Variants in OR51D1 observed in about 807,000 individuals in gnomAD.
OR51D1 encodes the protein olfactory receptor family 51 subfamily D member 1.
For missense variants in OR51D1, 452 were observed against 396.2 expected (o/e 1.14, Z -1.20); for synonymous variants, 187 against 161.1 (o/e 1.16, Z -1.22).
At chr11:4,639,587 A>C in intron 1 of OR51D1, 190 bp from the exon 2 acceptor site, 1 of 600,394 alleles carries the variant, frequency 1.7e-6, no homozygotes. Context: ...GGTCAGGGTA[A>C]GGCTCAAGAT....
intron 1 of OR51D1, among the ~76,000 whole-genome samples, chr11:4,638,479 T>C (rs1589857910): frequency 2.1e-5 from 2 of 94,736 alleles, no homozygotes; most frequent in Non-Finnish European, 2.4e-5. Context: ...GGGAGAGGTG[T>C]GTGTGCCTGT....
chr11:4,640,957 G>T lies in OR51D1; in HGVS notation c.*192G>T. 1 of 567,276 alleles carries T rather than the reference G, an allele frequency of 1.8e-6. No individual in the cohort carries two copies. Among genetic ancestry groups the T allele is most frequent in the Non-Finnish European group, 3.1e-6 (1 of 320,996 alleles). 35.1% of individuals were successfully genotyped at this position (567,276 alleles called of 1,614,324 possible). ...ACCCTGTCTGGACATCCTGGAGAAT[G>T]ACTGCACTAGTCCCTCTGCTATGGT... On this transcript the variant is annotated 3_prime_UTR_variant, in exon 2 of 2. Transcript: ENST00000641817.
Position 4,639,970 on chromosome 11 carries a change from CA to C in OR51D1, c.181del (p.Ile61SerfsTer24). 6.2e-7 allele frequency: 1 copy of C among 1,614,172 alleles called. No individual in the cohort carries two copies. Among genetic ancestry groups the C allele is most frequent in the Non-Finnish European group, 8.5e-7 (1 of 1,180,024 alleles). On this transcript the variant is annotated frameshift_variant, in exon 2 of 2. Transcript: ENST00000641817. LOFTEE classifies it high-confidence loss of function. Reference sequence around the variant, plus strand: ...CCCTGGGTAACCTGACCATTGTCCTCATCATTCGTGTGGAGAGGCGACTGCA... The same window carrying C: ...CCCTGGGTAACCTGACCATTGTCCTCTCATTCGTGTGGAGAGGCGACTGCA... ...ATLGNLTIVL[I>X]IRVERRLHEP...
chr11:4,640,785 TCTA>T lies in OR51D1; in HGVS notation c.*31_*33del. 1 of 1,587,040 alleles carries T rather than the reference TCTA, an allele frequency of 6.3e-7. No individual in the cohort carries two copies. The highest frequency in any genetic ancestry group is 8.6e-7 in the Non-Finnish European group (1 of 1,165,944). On this transcript the variant is annotated 3_prime_UTR_variant, in exon 2 of 2. Transcript: ENST00000641817. ...AAGTGAGACACCTTAGTGTCTCGCTTCTACTACTACTACAGAAGATGGGAATAT... is the reference window on the plus strand; with the variant it reads ...AAGTGAGACACCTTAGTGTCTCGCTTCTACTACTACAGAAGATGGGAATAT...
intron 1 of OR51D1, among the ~76,000 whole-genome samples, chr11:4,639,013 G>A (rs778949132): frequency 1.3e-5 from 2 of 152,070 alleles, no homozygotes; most frequent in Non-Finnish European, 2.9e-5. Flanking sequence ...GGCTGGTCTC[G>A]AACCCCTGAC....
rs1846983359 is a variant in OR51D1 at position 4,642,692 on chromosome 11, A to G, written c.*1927A>G. 2 of 152,212 alleles carry G rather than the reference A, an allele frequency of 1.3e-5. No individual in the cohort carries two copies. Among genetic ancestry groups the G allele is most frequent in the Admixed American group, 6.5e-5 (1 of 15,280 alleles). 9.4% of individuals were successfully genotyped at this position (152,212 alleles called of 1,614,324 possible). A position where few individuals can be genotyped will look rare whatever the true frequency, so the allele number is the denominator to read the frequency against. On this transcript the variant is annotated 3_prime_UTR_variant, in exon 2 of 2. Coordinates refer to ENST00000641817, the MANE Select transcript of OR51D1 (RefSeq NM_001004751.3). ...AACTCCCTTAAGGCAGGAAGCTGAA[A>G]AAACTGTAGCATTCACCTCATTATT...
At position 4,640,689 on chromosome 11, in the gene OR51D1, AC is replaced by A. The variant is rs766533040; in HGVS notation, c.904del (p.Val303SerfsTer26). 144 of 1,610,282 alleles carry A rather than the reference AC, an allele frequency of 8.9e-5. No individual in the cohort carries two copies. Among genetic ancestry groups the A allele is most frequent in the Non-Finnish European group, 1.2e-4 (138 of 1,178,976 alleles). On this transcript the variant is annotated frameshift_variant, in exon 2 of 2. Coordinates refer to ENST00000641817, the MANE Select transcript of OR51D1 (RefSeq NM_001004751.3). LOFTEE classifies it high-confidence loss of function. ...TACTTGCTGCTACCACCTGTAGTCA[AC>A]CCCCTTGTCTATGGAGCCAAGACCA... is the stretch of plus-strand genomic sequence containing the variant. ...NTYLLLPPVV[N>X]PLVYGAKTKE... is the part of the protein sequence containing the mutation.
chr11:4,639,816 C>A lies in OR51D1; in HGVS notation c.26C>A (p.Pro9His). MQKPQLLV[P>H]IIATSNGNLV... ...ATGCAGAAGCCCCAGCTCTTGGTCC[C>A]TATCATAGCCACTTCAAATGGAAAT... The change falls in exon 2 of 2, where the codon CCT becomes CAT. Residue 9 changes from proline (P) to histidine (H), a missense_variant. By Grantham distance (77) the Pro-to-His change is moderately conservative. Coordinates refer to ENST00000641817, the MANE Select transcript of OR51D1 (RefSeq NM_001004751.3). 1 of 1,613,830 alleles carries A rather than the reference C, an allele frequency of 6.2e-7. No individual in the cohort carries two copies. Among genetic ancestry groups the A allele is most frequent in the Non-Finnish European group, 8.5e-7 (1 of 1,179,770 alleles).
At chr11:4,639,393 G>A (rs2133218663) in intron 1 of OR51D1, among the ~76,000 whole-genome samples, 1 of 152,326 alleles carries the variant, frequency 6.6e-6, no homozygotes, top group Non-Finnish European at 1.5e-5. Flanking sequence ...GCTGGTCAAT[G>A]TGGACCATTC....
chr11:4,640,360 CTTCT>C lies in OR51D1; in HGVS notation c.571_574del (p.Phe191ValfsTer7), dbSNP rs773501296. 5 of 1,614,198 alleles carry C rather than the reference CTTCT, an allele frequency of 3.1e-6. No homozygotes were observed. In the Admixed American group the frequency reaches 6.7e-5, roughly 22 times the overall value. On this transcript the variant is annotated frameshift_variant, in exon 2 of 2. Transcript: ENST00000641817. LOFTEE classifies it high-confidence loss of function. Reference sequence around the variant, plus strand: ...GCCAAACACATACTGTCACACACTCCTTCTGTCTGCACCAAGATATTATGAAGCT... The same window carrying C: ...GCCAAACACATACTGTCACACACTCCGTCTGCACCAAGATATTATGAAGCT...
At position 4,640,784 on chromosome 11, in the gene OR51D1, T is replaced by C. The variant is rs1391647640; in HGVS notation, c.*19T>C. The C allele has an allele frequency of 1.3e-6, 2 of 1,587,956 alleles. 1 individual carries two copies. Among genetic ancestry groups the C allele is most frequent in the South Asian group, 2.3e-5 (2 of 87,498 alleles). ...CAAGTGAGACACCTTAGTGTCTCGC[T>C]TCTACTACTACTACAGAAGATGGGA... On this transcript the variant is annotated 3_prime_UTR_variant, in exon 2 of 2. Transcript: ENST00000641817.
In OR51D1 at chr11:4,642,537, A is replaced by G. The variant is rs1846980928; in HGVS notation, c.*1772A>G. ...CATGCCACTGCACTCCAGCCTGGTG[A>G]CAGAGCAAGACTCTGTGTCAAAAAA... On this transcript the variant is annotated 3_prime_UTR_variant, in exon 2 of 2. Coordinates refer to ENST00000641817, the MANE Select transcript of OR51D1 (RefSeq NM_001004751.3). 1 of 136,738 alleles carries G rather than the reference A, an allele frequency of 7.3e-6. No individual in the cohort carries two copies. The highest frequency in any genetic ancestry group is 1.5e-5 in the Non-Finnish European group (1 of 65,218). 8.5% of individuals were successfully genotyped at this position (136,738 alleles called of 1,614,324 possible).
At chr11:4,639,607 G>T in intron 1 of OR51D1, 170 bp from the exon 2 acceptor site, 1 of 647,456 alleles carries the variant, frequency 1.5e-6, no homozygotes, top group Non-Finnish European at 2.6e-6. Flanking sequence ...TGTCCAGGAA[G>T]TTGTATATAA....
chr11:4,638,884 C>G (rs1846928019), intron 1 of OR51D1, among the ~76,000 whole-genome samples: 1 of 152,104 alleles, frequency 6.6e-6, no homozygotes, highest in East Asian at 1.9e-4. Flanking sequence ...CCTCTGCCGC[C>G]CAGGTTCAAA....
In OR51D1 at chr11:4,641,517, A is replaced by T. The variant is rs1846967491; in HGVS notation, c.*752A>T. ...TCCTGGCACATGTATGTTTCATGAG[A>T]CGTGTCTCTGATTGCGCATTTGTAT... On this transcript the variant is annotated 3_prime_UTR_variant, in exon 2 of 2. Coordinates refer to ENST00000641817, the MANE Select transcript of OR51D1 (RefSeq NM_001004751.3). The T allele has an allele frequency of 6.6e-6, 1 of 152,384 alleles. No homozygotes were observed. The highest frequency in any genetic ancestry group is 1.5e-5 in the Non-Finnish European group (1 of 68,054). The allele number at this position is 152,384 out of a possible 1,614,324, so 9.4% of individuals were successfully genotyped here.
At chr11:4,639,750 T>G (rs756006604) in intron 1 of OR51D1, 27 bp from the exon 2 acceptor site, 28 of 1,584,000 alleles carry the variant, frequency 1.8e-5, no homozygotes, top group Admixed American at 7.1e-5. Context: ...AAATGATGTT[T>G]CTACTTTTCC....
Position 4,640,889 on chromosome 11 carries a change from T to G in OR51D1, c.*124T>G. On this transcript the variant is annotated 3_prime_UTR_variant, in exon 2 of 2. Transcript: ENST00000641817. ...GTCTTCTTCCAGCAATTTAAGTAGA[T>G]CATGTATTCTGTCTCCAGGAATGTG... The G allele has an allele frequency of 1.2e-6, 1 of 862,838 alleles. No homozygotes were observed. The highest frequency in any genetic ancestry group is 2.6e-5 in the East Asian group (1 of 39,044). The allele number at this position is 862,838 out of a possible 1,614,324, so 53.4% of individuals were successfully genotyped here.
chr11:4,640,730 A>G lies in OR51D1; in HGVS notation c.940A>G (p.Arg314Gly). Residue 314 changes from arginine (R) to glycine (G), a missense_variant, in exon 2 of 2, where the codon AGG (arginine) becomes GGG (glycine). Coordinates refer to ENST00000641817, the MANE Select transcript of OR51D1 (RefSeq NM_001004751.3). ...AGCCAAGACCAAAGAGATCTGTTCAAGGGTCCTCTGTATGTTCTCACAAGG... is the reference window on the plus strand; with the variant it reads ...AGCCAAGACCAAAGAGATCTGTTCAGGGGTCCTCTGTATGTTCTCACAAGG... ...YGAKTKEICS[R>G]VLCMFSQGGK The G allele has an allele frequency of 6.2e-7, 1 of 1,613,560 alleles. No individual in the cohort carries two copies. Among genetic ancestry groups the G allele is most frequent in the Non-Finnish European group, 8.5e-7 (1 of 1,179,782 alleles).
intron 1 of OR51D1, among the ~76,000 whole-genome samples, chr11:4,638,670 G>T (rs1846925296): frequency 6.6e-6 from 1 of 152,190 alleles, no homozygotes; most frequent in Non-Finnish European, 1.5e-5. Flanking sequence ...AAATGGAAAT[G>T]ATAGTCCCTC....
Sources: allele counts gnomAD v4.1 joint callset (sites outside exome capture counted in the v4.1 genomes callset), GRCh38; gene constraint gnomAD v4.1.1; transcripts MANE v1.5; gene names NCBI Gene and HGNC (gene_info 2026-07-23, HGNC 2026-07-21).